VTI1A: variants seen among roughly 807,000 people sequenced by gnomAD.
VTI1A encodes vesicle transport through interaction with t-SNAREs homolog 1A.
In VTI1A, 22 loss-of-function variants were observed where a neutral mutation model predicts 34.9. The ratio of observed to expected loss-of-function variants is 0.63; its 90% confidence interval spans 0.45 to 0.90. VTI1A has a LOEUF of 0.90. Among genes scored for constraint, VTI1A ranks in the 40% least tolerant of loss-of-function variants. VTI1A has a pLI of 0.00. For synonymous variants in VTI1A, 87 were observed against 97.3 expected, an observed-to-expected ratio of 0.89 and a Z score of 0.62; for missense variants, 268 against 275.6, an observed-to-expected ratio of 0.97 and a Z score of 0.20.
intron 7 of VTI1A, among the ~76,000 whole-genome samples, chr10:112,690,663 T>C (rs1848581810): frequency 6.6e-6 from 1 of 152,218 alleles, no homozygotes; most frequent in Non-Finnish European, 1.5e-5. Flanking sequence ...TGGACTTCTC[T>C]CTGAATTCGC....
At chr10:112,553,659 G>T (rs1008690791) in intron 5 of VTI1A, among the ~76,000 whole-genome samples, 1 of 152,200 alleles carries the variant, frequency 6.6e-6, no homozygotes, top group African/African-American at 2.4e-5. Flanking sequence ...GGGCTTTGGT[G>T]TCCTTTACCT....
the VTI1A span, among the ~76,000 whole-genome samples, chr10:112,846,554 C>G: frequency 1.3e-5 from 2 of 152,044 alleles, no homozygotes; most frequent in Non-Finnish European, 2.9e-5. Flanking sequence ...ATCAACAGGT[C>G]AGGAGATCAA....
chr10:112,712,570 G>GA (rs1429261355), intron 7 of VTI1A, among the ~76,000 whole-genome samples: 1 of 151,780 alleles, frequency 6.6e-6, no homozygotes. Flanking sequence ...AGGTAAAAGG[G>GA]TAGAATACAT....
At chr10:112,588,211 A>G (rs1203195332) in intron 5 of VTI1A, among the ~76,000 whole-genome samples, 1 of 152,182 alleles carries the variant, frequency 6.6e-6, no homozygotes, top group African/African-American at 2.4e-5. Context: ...ATATAAATGA[A>G]AATCTAAGTG....
Position 112,770,469 on chromosome 10 carries a change from C to A in VTI1A, c.561-44821C>A, listed in dbSNP as rs12767600. On this transcript the variant is annotated intron_variant, in intron 7 of 7. Coordinates refer to ENST00000393077, the MANE Select transcript of VTI1A (RefSeq NM_145206.4). ...GGAGTGCAGTGGCAGGATCTCGGCTCACTGCAAGCTCCGCCTCCCAGGTTC... is the reference window on the plus strand; with the variant it reads ...GGAGTGCAGTGGCAGGATCTCGGCTAACTGCAAGCTCCGCCTCCCAGGTTC... 3.3e-3 allele frequency among the ~76,000 whole-genome samples: 505 copies of A among 151,214 alleles called. 2 individuals carry two copies. The highest frequency in any genetic ancestry group is 0.012 in the African/African-American group (480 of 41,182).
At chr10:112,646,296 A>T (rs1425971850) in intron 5 of VTI1A, among the ~76,000 whole-genome samples, 1 of 152,200 alleles carries the variant, frequency 6.6e-6, no homozygotes, top group African/African-American at 2.4e-5. Context: ...TTGTTTCCAT[A>T]GGTTCTTACC....
intron 7 of VTI1A, among the ~76,000 whole-genome samples, chr10:112,814,390 G>A (rs1489060905): frequency 6.6e-6 from 1 of 152,182 alleles, no homozygotes. Flanking sequence ...CTGTGAGAGC[G>A]AGCGTGGGCA....
intron 5 of VTI1A, among the ~76,000 whole-genome samples, chr10:112,548,228 A>C (rs1418066523): frequency 9.2e-5 from 14 of 152,148 alleles, no homozygotes; most frequent in Non-Finnish European, 1.8e-4. Flanking sequence ...ATTTTAATCA[A>C]CTCAGTATAG....
intron 3 of VTI1A, among the ~76,000 whole-genome samples, chr10:112,501,613 A>T (rs1169567699): frequency 6.6e-6 from 1 of 152,120 alleles, no homozygotes; most frequent in African/African-American, 2.4e-5. Context: ...TAATTTAGCT[A>T]CTAATTGGAA....
Position 112,530,507 on chromosome 10 carries a change from T to C in VTI1A, c.342+3343T>C, listed in dbSNP as rs145670452. 7.3e-3 allele frequency among the ~76,000 whole-genome samples: 1,107 copies of C among 152,264 alleles called. 20 individuals carry two copies. Among genetic ancestry groups the C allele is most frequent in the African/African-American group, 0.025 (1,052 of 41,542 alleles). ...AAGTGTGATAATGGGGCAAATAAAC[T>C]GTTCCAAGCTTTGATTTTGAACCCT... On this transcript the variant is annotated intron_variant, in intron 4 of 7. Coordinates refer to ENST00000393077, the MANE Select transcript of VTI1A (RefSeq NM_145206.4).
At chr10:112,589,780 G>A (rs998118573) in intron 5 of VTI1A, among the ~76,000 whole-genome samples, 5 of 152,080 alleles carry the variant, frequency 3.3e-5, no homozygotes, top group Non-Finnish European at 5.9e-5. Context: ...GAAAATGGTA[G>A]AACAGGGATT....
chr10:112,482,645 G>T (rs1473500831), intron 3 of VTI1A, among the ~76,000 whole-genome samples: 2 of 152,006 alleles, frequency 1.3e-5, no homozygotes, highest in East Asian at 3.9e-4. Context: ...CTCTGAAAAG[G>T]CATTCTTTTT....
chr10:112,664,853 G>A (rs1047210069), intron 5 of VTI1A, among the ~76,000 whole-genome samples: 4 of 152,126 alleles, frequency 2.6e-5, no homozygotes, highest in African/African-American at 9.7e-5. Context: ...CCAGGAATTC[G>A]TTTATCATGC....
At chr10:112,664,299 G>T (rs1847567175) in intron 5 of VTI1A, among the ~76,000 whole-genome samples, 1 of 152,108 alleles carries the variant, frequency 6.6e-6, no homozygotes, top group Admixed American at 6.6e-5. Context: ...CTTTCAGCCA[G>T]TTTATAACAT....
intron 5 of VTI1A, among the ~76,000 whole-genome samples, chr10:112,558,878 T>C (rs981970562): frequency 2.0e-5 from 3 of 152,138 alleles, no homozygotes; most frequent in Non-Finnish European, 2.9e-5. Context: ...TATTAAAGAG[T>C]ACATCAATTT....
chr10:112,734,891 C>G (rs1850399400), intron 7 of VTI1A, among the ~76,000 whole-genome samples: 1 of 151,980 alleles, frequency 6.6e-6, no homozygotes, highest in South Asian at 2.1e-4. Context: ...CTCGGCCTCC[C>G]AAAGTGCTGG....
intron 5 of VTI1A, among the ~76,000 whole-genome samples, chr10:112,581,495 T>C (rs1411116988): frequency 6.6e-6 from 1 of 152,260 alleles, no homozygotes; most frequent in Non-Finnish European, 1.5e-5. Context: ...ATCTGCAAGA[T>C]TGAGATAACA....
At chr10:112,711,599 G>A (rs1056093070) in intron 7 of VTI1A, among the ~76,000 whole-genome samples, 5 of 152,184 alleles carry the variant, frequency 3.3e-5, no homozygotes, top group South Asian at 2.1e-4. Flanking sequence ...GCCAGCCCTC[G>A]AATCAGAGCT....
At chr10:112,603,183 G>A (rs1375466934) in intron 5 of VTI1A, among the ~76,000 whole-genome samples, 1 of 152,218 alleles carries the variant, frequency 6.6e-6, no homozygotes, top group East Asian at 1.9e-4. Context: ...GTTGAAGCTG[G>A]TTTGGGCCAT....
Sources: allele counts gnomAD v4.1 joint callset (sites outside exome capture counted in the v4.1 genomes callset), GRCh38; gene constraint gnomAD v4.1.1; transcripts MANE v1.5; gene names NCBI Gene and HGNC (gene_info 2026-07-23, HGNC 2026-07-21).